The following SH2D4B variants were observed in gnomAD, a reference collection of about 807,000 sequenced individuals.
The protein encoded by SH2D4B is SH2 domain-containing protein 4B.
SH2D4B carries 45 observed loss-of-function variants against 61.5 expected under a neutral mutation model. The ratio of observed to expected loss-of-function variants is 0.73; its 90% CI spans 0.58 to 0.94. The LOEUF is 0.94. Among genes scored for constraint, SH2D4B ranks in the 40% least tolerant of loss-of-function variants. The pLI is 0.00. For missense variants in SH2D4B, 572 were observed against 574.2 expected (o/e 1.00, Z 0.04); for synonymous variants, 224 against 220.4 (o/e 1.02, Z -0.14).
Position 80,577,461 on chromosome 10 carries a change from C to T in SH2D4B, c.495+5883C>T, listed in dbSNP as rs372841316. On this transcript the variant is annotated intron_variant, in intron 3 of 7. Coordinates refer to ENST00000646907, the MANE Select transcript of SH2D4B (RefSeq NM_001388272.1). ...TTTTTTTTTGAGACGGAGTCTCGCT[C>T]TGTCGCCCAGGCTGGAGTGCAGTGG... Among the ~76,000 whole-genome samples the T allele has an allele frequency of 1.3e-4, 20 of 150,802 alleles. No homozygotes were observed. The East Asian group carries it at 3.5e-3, about 27-fold the overall frequency.
At chr10:80,580,728 ACATTTTC>A (rs2132124765) in intron 3 of SH2D4B, among the ~76,000 whole-genome samples, 1 of 152,256 alleles carries the variant, frequency 6.6e-6, no homozygotes, top group African/African-American at 2.4e-5. Context: ...TGTCTTGATG[ACATTTTC>A]CACAGGATTC....
At chr10:80,546,343 G>A (rs1184687806) in intron 1 of SH2D4B, among the ~76,000 whole-genome samples, 1 of 150,932 alleles carries the variant, frequency 6.6e-6, no homozygotes, top group Non-Finnish European at 1.5e-5. Context: ...CCACTGCGCT[G>A]GCCACTCATT....
rs139765481 is a variant in SH2D4B, at chr10:80,570,164, C to G, written c.195C>G (p.Asp65Glu). Residue 65 changes from aspartate to glutamate, a missense_variant, in exon 2 of 8, where the codon GAC (aspartate) becomes GAG (glutamate). Physicochemically the swap from Asp to Glu is conservative, Grantham distance 45. Transcript: ENST00000646907. ...RPPKTKRAAS[D>E]KHIQWLLGAD... is the part of the protein sequence containing the mutation. ...TCTTCTATTGTGAAGCAGCGAGTGA[C>G]AAGCACATCCAATGGCTCCTAGGGG... The G allele has an allele frequency of 1.9e-6, 3 of 1,613,946 alleles. No individual in the cohort carries two copies. The African/African-American group carries it at 4.0e-5, about 22-fold the overall frequency.
intron 7 of SH2D4B, among the ~76,000 whole-genome samples, chr10:80,637,026 C>T (rs1589366090): frequency 1.3e-5 from 2 of 152,220 alleles, no homozygotes; most frequent in African/African-American, 4.8e-5. Flanking sequence ...GTTTTCCCAG[C>T]ACCATTTATT....
chr10:80,548,416 G>A (rs568466511), intron 1 of SH2D4B, among the ~76,000 whole-genome samples: 31 of 152,160 alleles, frequency 2.0e-4, no homozygotes, highest in African/African-American at 6.5e-4. Flanking sequence ...TGCCCACCTC[G>A]GCCTCCCAAA....
Position 80,603,790 on chromosome 10 carries a change from G to A in SH2D4B, c.855G>A (p.Pro285=), listed in dbSNP as rs770764104. The stretch of plus-strand genomic sequence containing the variant: ...GTCTGCCGCAGCCCCTTGCCCTGCC[G>A]GTCAGGTGGGTCCAGGCTCCGTGTT... ...DPGLPQPLAL[P]VSRTWERPLR... is the part of the protein sequence containing the mutation. The change falls in exon 5 of 8, where the codon CCG becomes CCA. Residue 285 remains proline, a synonymous_variant. Coordinates refer to ENST00000646907, the MANE Select transcript of SH2D4B (RefSeq NM_001388272.1). 13 of 1,607,978 alleles carry A rather than the reference G, an allele frequency of 8.1e-6. No individual in the cohort carries two copies. In the Admixed American group the frequency reaches 1.7e-4, roughly 21 times the overall value.
chr10:80,578,299 A>G (rs1047891240), intron 3 of SH2D4B, among the ~76,000 whole-genome samples: 2 of 152,150 alleles, frequency 1.3e-5, no homozygotes, highest in African/African-American at 4.8e-5. Context: ...GCTTGTAGGA[A>G]TGTACCAACA....
chr10:80,538,417 A>G lies in SH2D4B; in HGVS notation c.86A>G (p.Tyr29Cys), dbSNP rs751089122. ...LSDVQKHILFYKMREEQLRRW... is the reference protein window; with the variant it reads ...LSDVQKHILFCKMREEQLRRW... The stretch of plus-strand genomic sequence containing the variant: ...GATGTGCAGAAGCACATCCTCTTCT[A>G]CAAAATGCGGGAGGAGCAGCTGAGG... Residue 29 changes from tyrosine (Y) to cysteine (C), a missense_variant, in exon 1 of 8, where the codon TAC becomes TGC. Tyr to Cys is a radical substitution (Grantham distance 194). Coordinates refer to ENST00000646907, the MANE Select transcript of SH2D4B (RefSeq NM_001388272.1). This position sits in a 1 kb window ranked among gnomAD's most constrained non-coding sequence, Gnocchi z 4.8. The G allele has an allele frequency of 2.2e-5, 33 of 1,490,786 alleles. 1 individual carries two copies. The highest frequency in any genetic ancestry group is 2.9e-5 in the Non-Finnish European group (32 of 1,118,562). The allele number at this position is 1,490,786 out of a possible 1,614,324, so 92.3% of individuals were successfully genotyped here.
At chr10:80,567,744 C>T (rs909647882) in intron 1 of SH2D4B, among the ~76,000 whole-genome samples, 1 of 152,178 alleles carries the variant, frequency 6.6e-6, no homozygotes, top group Non-Finnish European at 1.5e-5. Context: ...CTGACTTCAG[C>T]CTGGATGAGG....
At chr10:80,613,562 T>C (rs1842626424) in intron 6 of SH2D4B, among the ~76,000 whole-genome samples, 1 of 152,244 alleles carries the variant, frequency 6.6e-6, no homozygotes, top group African/African-American at 2.4e-5. Flanking sequence ...TATCTCCATG[T>C]GACCCTGCTC....
intron 1 of SH2D4B, among the ~76,000 whole-genome samples, chr10:80,558,100 A>G: frequency 6.6e-6 from 1 of 152,068 alleles, no homozygotes; most frequent in Non-Finnish European, 1.5e-5. Context: ...TTCATGGGCT[A>G]CTTAGAATTG....
chr10:80,580,172 G>A (rs1276774897), intron 3 of SH2D4B, among the ~76,000 whole-genome samples: 2 of 152,194 alleles, frequency 1.3e-5, no homozygotes, highest in African/African-American at 2.4e-5. Context: ...TTTGGAAAGG[G>A]GAGCTTTATA....
chr10:80,560,337 C>T (rs1376401098), intron 1 of SH2D4B, among the ~76,000 whole-genome samples: 1 of 151,368 alleles, frequency 6.6e-6, no homozygotes, highest in East Asian at 1.9e-4. Flanking sequence ...CATCATTTTT[C>T]AATTCATGTA....
At chr10:80,578,822 G>A (rs543878939) in intron 3 of SH2D4B, among the ~76,000 whole-genome samples, 1 of 152,220 alleles carries the variant, frequency 6.6e-6, no homozygotes, top group Non-Finnish European at 1.5e-5. Context: ...AGGCCAATGA[G>A]CAAGGGTCTG....
intron 6 of SH2D4B, among the ~76,000 whole-genome samples, chr10:80,620,229 C>A (rs1430003448): frequency 1.3e-5 from 2 of 151,844 alleles, no homozygotes; most frequent in East Asian, 1.9e-4. Context: ...GGGGGCGGTT[C>A]CCCCCCTTGC....
chr10:80,541,071 C>T (rs944262514), intron 1 of SH2D4B: 27 of 716,810 alleles, frequency 3.8e-5, no homozygotes, highest in African/African-American at 5.3e-5. Context: ...GAAGTGCGGG[C>T]GTGCTCATGA....
chr10:80,603,507 TC>T (rs2132139422), intron 4 of SH2D4B, 71 bp from the exon 5 acceptor site: 2 of 1,372,664 alleles, frequency 1.5e-6, no homozygotes, highest in Admixed American at 2.6e-5. Flanking sequence ...ACCAAATACT[TC>T]CTGTCCCAGC....
chr10:80,563,283 T>A (rs114048321), intron 1 of SH2D4B, among the ~76,000 whole-genome samples: 1,693 of 152,336 alleles, frequency 0.011, 31 homozygotes, highest in African/African-American at 0.039. Flanking sequence ...TTTGCCAATT[T>A]TTTAAATTGG....
chr10:80,627,925 T>TGGAGA, intron 6 of SH2D4B, among the ~76,000 whole-genome samples: 2 of 152,136 alleles, frequency 1.3e-5, no homozygotes, highest in Non-Finnish European at 2.9e-5. Context: ...CAATATTCAT[T>TGGAGA]CTAAAATTGT....
Sources: gnomAD v4.1 joint callset for allele counts (sites outside exome capture counted in the v4.1 genomes callset) on GRCh38, gnomAD v4.1.1 for gene constraint, Gnocchi (gnomAD v3.1) non-coding constraint, MANE v1.5 for transcripts, NCBI Gene and HGNC (gene_info 2026-07-23, HGNC 2026-07-21) for gene names.